Variants in AMOTL1 observed in about 807,000 individuals in gnomAD.
The protein encoded by AMOTL1 is angiomotin-like protein 1.
A neutral mutation model predicts 102.9 loss-of-function variants in AMOTL1; 45 were observed. The observed-to-expected ratio is 0.44, with a 90% CI of 0.34 to 0.56. The LOEUF (loss-of-function observed/expected upper bound fraction) is 0.56, where lower values mean the gene tolerates loss of function less well. AMOTL1 is among the 20% of genes least tolerant of loss of function. AMOTL1 has a pLI of 0.01. For synonymous variants in AMOTL1, 481 were observed against 484.7 expected (o/e 0.99, Z 0.10); for missense variants, 1,114 against 1,225.6 (o/e 0.91, Z 1.36).
chr11:94,774,332 A>G (rs1591951902), intron 1 of AMOTL1, among the ~76,000 whole-genome samples: 1 of 152,186 alleles, frequency 6.6e-6, no homozygotes, highest in African/African-American at 2.4e-5. Flanking sequence ...TAAAAGTATG[A>G]TTTCTGATGA....
Position 94,874,539 on chromosome 11 carries a change from G to A in AMOTL1, c.*3744G>A, listed in dbSNP as rs1177554240. ...ATACCAAAACAGTTGCAACAAATTAGTTCTGAACCTGGAACAGAGAATTCA... is the reference window on the plus strand; with the variant it reads ...ATACCAAAACAGTTGCAACAAATTAATTCTGAACCTGGAACAGAGAATTCA... On this transcript the variant is annotated 3_prime_UTR_variant, in exon 13 of 13. Coordinates refer to ENST00000433060, the MANE Select transcript of AMOTL1 (RefSeq NM_130847.3). 1.3e-5 allele frequency: 2 copies of A among 152,230 alleles called. No homozygotes were observed. Among genetic ancestry groups the A allele is most frequent in the Non-Finnish European group, 2.9e-5 (2 of 68,062 alleles). The allele number at this position is 152,230 out of a possible 1,614,324, so 9.4% of individuals were successfully genotyped here.
chr11:94,807,589 C>G (rs1491001892), intron 3 of AMOTL1, among the ~76,000 whole-genome samples: 1 of 152,162 alleles, frequency 6.6e-6, no homozygotes, highest in East Asian at 1.9e-4. Flanking sequence ...GCAGTAATAG[C>G]TCCTTCCGGT....
chr11:94,707,246 CTCTCTGTGTG>C (rs1223340089), intron 1 of AMOTL1, among the ~76,000 whole-genome samples: 1 of 59,918 alleles, frequency 1.7e-5, no homozygotes, highest in African/African-American at 4.3e-5. Flanking sequence ...CTCTCTCTCT[CTCTCTGTGTG>C]TGTGTGTGTG....
intron 3 of AMOTL1, among the ~76,000 whole-genome samples, chr11:94,820,609 C>T (rs778573166): frequency 7.2e-5 from 11 of 152,168 alleles, no homozygotes; most frequent in South Asian, 4.1e-4. Context: ...ATGATTCAAA[C>T]GCATCACATT....
chr11:94,839,841 T>G (rs1952260642), intron 6 of AMOTL1, among the ~76,000 whole-genome samples: 1 of 152,162 alleles, frequency 6.6e-6, no homozygotes, highest in Non-Finnish European at 1.5e-5. Context: ...TACTAGAAAA[T>G]TTTTATACTA....
In AMOTL1 at chr11:94,866,025, A is replaced by G. The variant is rs779303935; in HGVS notation, c.2345A>G (p.Lys782Arg). The G allele has an allele frequency of 2.2e-5, 35 of 1,614,036 alleles. No individual in the cohort carries two copies. Among genetic ancestry groups the G allele is most frequent in the Non-Finnish European group, 2.9e-5 (34 of 1,179,898 alleles). The part of the protein sequence containing the change: ...LQQRSRKDAG[K>R]TDSSSLRPAR... ...CAGCGATCTCGTAAAGATGCCGGGA[A>G]GACAGACTCCTCCAGCCTACGTCCT... The change falls in exon 11 of 13, where the codon AAG becomes AGG. Residue 782 changes from lysine (K) to arginine (R), a missense_variant. Transcript: ENST00000433060.
chr11:94,782,971 A>T (rs1951133863), intron 1 of AMOTL1, among the ~76,000 whole-genome samples: 1 of 152,216 alleles, frequency 6.6e-6, no homozygotes, highest in South Asian at 2.1e-4. Flanking sequence ...TACATGAATT[A>T]ACATATACTT....
intron 3 of AMOTL1, 134 bp from the exon 4 acceptor site, chr11:94,821,396 G>T: frequency 1.1e-6 from 1 of 928,890 alleles, no homozygotes; most frequent in Non-Finnish European, 1.6e-6. Context: ...GGAGCACAGT[G>T]AATACCTCCC....
At chr11:94,833,953 G>A (rs1490596999) in intron 6 of AMOTL1, among the ~76,000 whole-genome samples, 1 of 152,170 alleles carries the variant, frequency 6.6e-6, no homozygotes. Flanking sequence ...AATGACTTAA[G>A]GTTTGAACAT....
At chr11:94,729,177 A>G (rs191116839) in intron 2 of AMOTL1, 1 of 629,976 alleles carries the variant, frequency 1.6e-6, no homozygotes, top group East Asian at 7.1e-5. Flanking sequence ...AGCTGAGTGG[A>G]GAGGAGAGGG....
In AMOTL1 at chr11:94,804,209, C is replaced by T. The variant is rs1373264445; in HGVS notation, c.1121+3898C>T. Among the ~76,000 whole-genome samples the T allele has an allele frequency of 6.6e-5, 10 of 152,148 alleles. No individual in the cohort carries two copies. The South Asian group carries it at 1.2e-3, about 19-fold the overall frequency. On this transcript the variant is annotated intron_variant, in intron 3 of 12. Transcript: ENST00000433060. ...GCCAGAAAACCTTGTAAAAATATTA[C>T]GGTGCCTGTTTTACTGCACTTTGAC...
intron 3 of AMOTL1, among the ~76,000 whole-genome samples, chr11:94,812,200 G>T (rs1334897469): frequency 6.6e-6 from 1 of 152,120 alleles, no homozygotes; most frequent in Non-Finnish European, 1.5e-5. Context: ...ATCCCTTCAG[G>T]TTTCCAATTT....
At chr11:94,738,280 C>T (rs1378058388) in intron 2 of AMOTL1, among the ~76,000 whole-genome samples, 11 of 142,708 alleles carry the variant, frequency 7.7e-5, no homozygotes, top group Admixed American at 2.9e-4. Flanking sequence ...TTTTTTGAGA[C>T]GGAGTCTTGC....
At chr11:94,726,564 A>G (rs1207540221) in intron 1 of AMOTL1, among the ~76,000 whole-genome samples, 3 of 107,138 alleles carry the variant, frequency 2.8e-5, no homozygotes, top group African/African-American at 8.3e-5. Flanking sequence ...TTGTGCTGTC[A>G]TTAGAAAGTA....
rs569844563 is a variant in AMOTL1, at chr11:94,738,321, G to T, written c.86-2617G>T. On this transcript the variant is annotated intron_variant, in intron 2 of 4. Coordinates refer to the AMOTL1 transcript ENST00000299004. ...CACCCAGGCTGGACTGCAATGGCGT[G>T]ATCTCTGCTCACTGCAACCTCCACC... Among the ~76,000 whole-genome samples, 3 of 150,566 alleles carry T rather than the reference G, an allele frequency of 2.0e-5. 1 individual carries two copies. In the South Asian group the frequency reaches 6.3e-4, roughly 32 times the overall value.
intron 1 of AMOTL1, among the ~76,000 whole-genome samples, chr11:94,779,435 T>C (rs1951074967): frequency 6.6e-6 from 1 of 152,160 alleles, no homozygotes; most frequent in Non-Finnish European, 1.5e-5. Flanking sequence ...GCAAGATAGT[T>C]TTCTTCCAAG....
chr11:94,784,488 G>A (rs1951154250), intron 1 of AMOTL1, among the ~76,000 whole-genome samples: 2 of 152,092 alleles, frequency 1.3e-5, no homozygotes, highest in Admixed American at 6.5e-5. Context: ...TAAAATATAG[G>A]ACACTAAAAC....
chr11:94,853,372 T>C (rs1592036416), intron 7 of AMOTL1, among the ~76,000 whole-genome samples: 1 of 152,060 alleles, frequency 6.6e-6, no homozygotes, highest in South Asian at 2.1e-4. Flanking sequence ...ATTGTTCAGC[T>C]CCCACTTACG....
At chr11:94,725,382 T>A (rs1432871930) in intron 1 of AMOTL1, among the ~76,000 whole-genome samples, 1 of 152,112 alleles carries the variant, frequency 6.6e-6, no homozygotes, top group African/African-American at 2.4e-5. Flanking sequence ...AACAGAATAC[T>A]TTTCAAAAAG....
Sources: gnomAD v4.1 joint callset for allele counts (sites outside exome capture counted in the v4.1 genomes callset) on GRCh38, gnomAD v4.1.1 for gene constraint, MANE v1.5 for transcripts, NCBI Gene and HGNC (gene_info 2026-07-23, HGNC 2026-07-21) for gene names.